The following LMBR1 variants were observed in gnomAD, a reference collection of about 807,000 sequenced individuals.
LMBR1 encodes the protein limb region 1 protein homolog.
In LMBR1, 52 loss-of-function variants were observed where a neutral mutation model predicts 73.9. The ratio of observed to expected loss-of-function variants is 0.70; its 90% CI spans 0.56 to 0.89. LMBR1 has a LOEUF of 0.89. Among genes scored for constraint, LMBR1 ranks in the 40% least tolerant of loss-of-function variants. The pLI is 0.00. For missense variants in LMBR1, 539 were observed against 579.8 expected, an observed-to-expected ratio of 0.93 and a Z score of 0.72; for synonymous variants, 215 against 209.4, an observed-to-expected ratio of 1.03 and a Z score of -0.23.
chr7:156,889,833 TAA>T (rs1012618076), intron 1 of LMBR1, among the ~76,000 whole-genome samples: 14 of 151,970 alleles, frequency 9.2e-5, no homozygotes, highest in Admixed American at 7.9e-4. Flanking sequence ...TACAAAAAAT[TAA>T]AAGATTAGCT....
At chr7:156,701,878 G>A (rs1585259635) in intron 15 of LMBR1, among the ~76,000 whole-genome samples, 1 of 152,170 alleles carries the variant, frequency 6.6e-6, no homozygotes, top group Admixed American at 6.5e-5. Flanking sequence ...AACATGTGGT[G>A]TTTGGTTTTC....
Position 156,826,650 on chromosome 7 carries a change from GA to G in LMBR1, c.273del (p.Pro92LeufsTer9). ...SIISNEILLS[F>X]PQNYYIQWLN... ...AGCCACTGAATATAGTAGTTCTGAG[GA>G]AAAGAAAGCAGGATTTCATTGCTGA... On this transcript the variant is annotated frameshift_variant, in exon 4 of 17. Coordinates refer to ENST00000353442, the MANE Select transcript of LMBR1 (RefSeq NM_022458.4). LOFTEE classifies it high-confidence loss of function. 1 of 1,600,310 alleles carries G rather than the reference GA, an allele frequency of 6.2e-7. No homozygotes were observed.
intron 9 of LMBR1, among the ~76,000 whole-genome samples, chr7:156,735,035 C>T (rs1376885929): frequency 6.6e-6 from 1 of 152,218 alleles, no homozygotes; most frequent in African/African-American, 2.4e-5. Context: ...TCCCTTTACA[C>T]ATATTCAAGT....
chr7:156,771,315 G>A (rs1825135470), intron 5 of LMBR1, among the ~76,000 whole-genome samples: 1 of 152,004 alleles, frequency 6.6e-6, no homozygotes, highest in East Asian at 1.9e-4. Flanking sequence ...GAAAAAATAA[G>A]GTAGATAGAC....
At chr7:156,886,056 A>G (rs934545790) in intron 1 of LMBR1, among the ~76,000 whole-genome samples, 1 of 152,012 alleles carries the variant, frequency 6.6e-6, no homozygotes, top group Non-Finnish European at 1.5e-5. Flanking sequence ...AGAAAAAAAA[A>G]AAAAAAAAGA....
chr7:156,834,500 G>A, intron 2 of LMBR1: 1 of 294,054 alleles, frequency 3.4e-6, no homozygotes, highest in Non-Finnish European at 6.8e-6. Flanking sequence ...ATACTCAGGA[G>A]GCTGAGGTTG....
chr7:156,727,240 T>C (rs1414676516), intron 12 of LMBR1, among the ~76,000 whole-genome samples: 1 of 152,156 alleles, frequency 6.6e-6, no homozygotes, highest in Non-Finnish European at 1.5e-5. Flanking sequence ...TAGGAAGGAT[T>C]AAGAGTATCT....
At chr7:156,865,247 C>T (rs1798290667) in intron 1 of LMBR1, among the ~76,000 whole-genome samples, 1 of 151,958 alleles carries the variant, frequency 6.6e-6, no homozygotes, top group Non-Finnish European at 1.5e-5. Flanking sequence ...TTTCAGGCTG[C>T]AGTGAGCCAT....
intron 9 of LMBR1, among the ~76,000 whole-genome samples, chr7:156,755,606 GAC>G (rs1250657438): frequency 6.6e-6 from 1 of 152,184 alleles, no homozygotes; most frequent in African/African-American, 2.4e-5. Flanking sequence ...TTATAAAGCT[GAC>G]ATTGTTGACT....
intron 1 of LMBR1, among the ~76,000 whole-genome samples, chr7:156,857,994 GAAGA>G (rs2134156545): frequency 8.3e-6 from 1 of 121,060 alleles, no homozygotes; most frequent in East Asian, 2.4e-4. Context: ...CATTACAGAA[GAAGA>G]AATATCTAAA....
At position 156,679,493 on chromosome 7, in the gene LMBR1, A is replaced by C. The variant is rs1466611368; in HGVS notation, c.*4585T>G. On this transcript the variant is annotated 3_prime_UTR_variant, in exon 17 of 17. Coordinates refer to ENST00000353442, the MANE Select transcript of LMBR1 (RefSeq NM_022458.4). ...AGATGCTGTTAAAGAGAAGTTGCAG[A>C]ATCAATATAAATAGCTACAGCAGTA... 1 of 146,074 alleles carries C rather than the reference A, an allele frequency of 6.8e-6. No homozygotes were observed. Among genetic ancestry groups the C allele is most frequent in the Admixed American group, 7.0e-5 (1 of 14,358 alleles). The allele number at this position is 146,074 out of a possible 1,614,324, so 9.0% of individuals were successfully genotyped here.
Position 156,725,787 on chromosome 7 carries a change from A to G in LMBR1, c.1044T>C (p.Ala348=), listed in dbSNP as rs1815617556. The G allele has an allele frequency of 1.2e-6, 2 of 1,613,756 alleles. No homozygotes were observed. Among genetic ancestry groups the G allele is most frequent in the African/African-American group, 1.3e-5 (1 of 75,028 alleles). The stretch of plus-strand genomic sequence containing the variant: ...ACAAAATCAAAATGATTTCAAGCGC[A>G]GCTCCCACAAAACCAAACGTAGAAA... ...ASLSTFGFVG[A]ALEIILIFYL... Residue 348 remains alanine (A), a synonymous_variant, in exon 13 of 17, where the codon GCT becomes GCC. Transcript: ENST00000353442.
intron 4 of LMBR1, among the ~76,000 whole-genome samples, chr7:156,806,019 T>C (rs546321466): frequency 2.0e-5 from 3 of 152,298 alleles, no homozygotes; most frequent in Non-Finnish European, 2.9e-5. Flanking sequence ...GATATGGGAC[T>C]TTCAGCCTCC....
At chr7:156,891,956 T>A (rs1803074889) in intron 1 of LMBR1, among the ~76,000 whole-genome samples, 1 of 152,160 alleles carries the variant, frequency 6.6e-6, no homozygotes, top group African/African-American at 2.4e-5. Flanking sequence ...TCAAACCAAG[T>A]GTGACTGAAT....
At chr7:156,759,606 C>T (rs1398682775) in intron 8 of LMBR1, among the ~76,000 whole-genome samples, 1 of 152,132 alleles carries the variant, frequency 6.6e-6, no homozygotes, top group Non-Finnish European at 1.5e-5. Flanking sequence ...AATAAATAAT[C>T]TTTATTACTG....
rs1449982047 is a variant in LMBR1 at position 156,812,894 on chromosome 7, C to G, written c.319+13711G>C. On this transcript the variant is annotated intron_variant, in intron 4 of 16. Transcript: ENST00000353442. ...AACACTGCTCAGCTCCACCTGGGTT[C>G]CCCCTCTCTGTACTGCAGTGTGGAA... Among the ~76,000 whole-genome samples, 4 of 152,162 alleles carry G rather than the reference C, an allele frequency of 2.6e-5. No homozygotes were observed. In the East Asian group the frequency reaches 7.7e-4, roughly 29 times the overall value.
chr7:156,734,350 C>CA, intron 9 of LMBR1, 93 bp from the exon 10 acceptor site: 1 of 672,340 alleles, frequency 1.5e-6, no homozygotes. Context: ...TAACACATGG[C>CA]AAATCCTGCT....
At chr7:156,814,175 C>G (rs1167422142) in intron 4 of LMBR1, among the ~76,000 whole-genome samples, 1 of 152,130 alleles carries the variant, frequency 6.6e-6, no homozygotes, top group African/African-American at 2.4e-5. Context: ...AATGGTAGCC[C>G]TGGGATTAAA....
Position 156,728,638 on chromosome 7 carries a change from TCTTA to T in LMBR1, c.915+2_915+5del. The stretch of plus-strand genomic sequence containing the variant: ...CTTTTATTTAACTAGGCAAATAAAT[TCTTA>T]CTGTCTCAATAAGAAGGAGAACCAT... On this transcript the variant is annotated splice_donor_variant and splice_donor_5th_base_variant and intron_variant, in intron 11 of 16. Transcript: ENST00000353442. LOFTEE classifies it high-confidence loss of function. 6.3e-7 allele frequency: 1 copy of T among 1,578,034 alleles called. No individual in the cohort carries two copies. Among genetic ancestry groups the T allele is most frequent in the Non-Finnish European group, 8.6e-7 (1 of 1,167,380 alleles).
Sources: gnomAD v4.1 joint callset for allele counts (sites outside exome capture counted in the v4.1 genomes callset) on GRCh38, gnomAD v4.1.1 for gene constraint, MANE v1.5 for transcripts, NCBI Gene and HGNC (gene_info 2026-07-23, HGNC 2026-07-21) for gene names.